Variants in IRAK3 observed in about 807,000 individuals in gnomAD.
IRAK3 encodes interleukin 1 receptor associated kinase 3, also known as interleukin-1 receptor-associated kinase 3.
A neutral mutation model predicts 56.6 loss-of-function variants in IRAK3; 57 were observed. The observed-to-expected ratio is 1.01, with a 90% CI of 0.81 to 1.26. The LOEUF is 1.26. Ranked by LOEUF, IRAK3 falls within the 50% of genes most tolerant of loss-of-function variation. The pLI is 0.00. For synonymous variants in IRAK3, 258 were observed against 255.7 expected (o/e 1.01, Z -0.09); for missense variants, 703 against 719.0 (o/e 0.98, Z 0.25).
intron 1 of IRAK3, among the ~76,000 whole-genome samples, chr12:66,194,826 T>TC (rs1417913882): frequency 1.8e-5 from 1 of 55,066 alleles, no homozygotes; most frequent in Non-Finnish European, 3.2e-5. Context: ...GAGACTCCTC[T>TC]CAAAAAAAAA....
intron 11 of IRAK3, among the ~76,000 whole-genome samples, chr12:66,246,926 AT>A (rs2053038815): frequency 6.6e-6 from 1 of 152,110 alleles, no homozygotes; most frequent in Admixed American, 6.6e-5. Flanking sequence ...TTGAATGACA[AT>A]CTCTATGTTG....
chr12:66,203,687 T>C (rs756346619), intron 1 of IRAK3, 24 bp from the exon 2 acceptor site: 2 of 1,609,284 alleles, frequency 1.2e-6, no homozygotes, highest in Non-Finnish European at 1.7e-6. Context: ...AAACAATTCT[T>C]TGTTTATATT....
chr12:66,201,408 C>G (rs1278176435), intron 1 of IRAK3, among the ~76,000 whole-genome samples: 3 of 152,142 alleles, frequency 2.0e-5, no homozygotes, highest in Non-Finnish European at 4.4e-5. Flanking sequence ...GACTTGCATC[C>G]AGGATCCTAA....
At chr12:66,206,638 T>C (rs1390320429) in intron 2 of IRAK3, among the ~76,000 whole-genome samples, 1 of 152,230 alleles carries the variant, frequency 6.6e-6, no homozygotes, top group Non-Finnish European at 1.5e-5. Context: ...TTGTTGAGGA[T>C]TTTTGCATCT....
intron 8 of IRAK3, among the ~76,000 whole-genome samples, chr12:66,241,015 A>T (rs1207865195): frequency 6.6e-6 from 1 of 152,054 alleles, no homozygotes; most frequent in African/African-American, 2.4e-5. Flanking sequence ...TAATTAGGAG[A>T]TAAACTGGTG....
chr12:66,192,047 C>T (rs1301659201), intron 1 of IRAK3, among the ~76,000 whole-genome samples: 3 of 152,140 alleles, frequency 2.0e-5, no homozygotes, highest in Non-Finnish European at 4.4e-5. Flanking sequence ...AGATGCAGGT[C>T]CCACTCCTAG....
At chr12:66,194,370 A>C (rs775933839) in intron 1 of IRAK3, among the ~76,000 whole-genome samples, 4 of 152,040 alleles carry the variant, frequency 2.6e-5, no homozygotes, top group Non-Finnish European at 5.9e-5. Context: ...TTTTTCCTTG[A>C]ACCCCTCCAG....
At chr12:66,245,529 CT>C (rs745553622) in intron 11 of IRAK3, among the ~76,000 whole-genome samples, 1,723 of 75,382 alleles carry the variant, frequency 0.023, 8 homozygotes, top group African/African-American at 0.083. Flanking sequence ...TTTATTCAAT[CT>C]TTTTTTTTTT....
intron 7 of IRAK3, among the ~76,000 whole-genome samples, chr12:66,227,985 G>A (rs771429941): frequency 3.3e-5 from 5 of 152,108 alleles, no homozygotes; most frequent in Non-Finnish European, 5.9e-5. Flanking sequence ...TTTAAGCAGT[G>A]TTACCTTACT....
chr12:66,245,189 T>C lies in IRAK3; in HGVS notation c.1241T>C (p.Phe414Ser). Reference sequence around the variant, plus strand: ...AAAGTGCCTCCCTGCCCTCGGAATTTCTCTGCCAAGCTCTTCTGTTTGGCA... The same window carrying C: ...AAAGTGCCTCCCTGCCCTCGGAATTCCTCTGCCAAGCTCTTCTGTTTGGCA... ...DKKVPPCPRN[F>S]SAKLFCLAGR... Residue 414 changes from phenylalanine (F) to serine (S), a missense_variant, in exon 11 of 12, where the codon TTC (phenylalanine) becomes TCC (serine). Coordinates refer to ENST00000261233, the MANE Select transcript of IRAK3 (RefSeq NM_007199.3). 6.2e-7 allele frequency: 1 copy of C among 1,614,170 alleles called. No homozygotes were observed. Among genetic ancestry groups the C allele is most frequent in the Non-Finnish European group, 8.5e-7 (1 of 1,180,026 alleles).
chr12:66,193,540 C>T (rs1244784917), intron 1 of IRAK3, among the ~76,000 whole-genome samples: 1 of 152,162 alleles, frequency 6.6e-6, no homozygotes, highest in Non-Finnish European at 1.5e-5. Flanking sequence ...TTTCTCTGTT[C>T]CAGGATCCCA....
At chr12:66,214,383 A>AAAAAAAAAATT (rs2052644710) in intron 5 of IRAK3, among the ~76,000 whole-genome samples, 2 of 149,328 alleles carry the variant, frequency 1.3e-5, no homozygotes, top group Non-Finnish European at 1.5e-5. Flanking sequence ...AAAAAAAATT[A>AAAAAAAAAATT]AAAAAAAAAT....
At chr12:66,234,345 G>A in intron 8 of IRAK3, 2 of 1,612,596 alleles carry the variant, frequency 1.2e-6, no homozygotes, top group South Asian at 1.1e-5. Flanking sequence ...ACGGCACCGG[G>A]GTGCTGTAGA....
chr12:66,210,422 A>G (rs762054467), intron 4 of IRAK3, among the ~76,000 whole-genome samples: 11 of 130,626 alleles, frequency 8.4e-5, no homozygotes, highest in South Asian at 5.4e-4. Flanking sequence ...GAAGAATGCA[A>G]TTGTGGTCTC....
chr12:66,211,665 G>T, intron 5 of IRAK3, 68 bp downstream of exon 5: 1 of 1,340,126 alleles, frequency 7.5e-7, no homozygotes, highest in Non-Finnish European at 1.1e-6. Context: ...ATTAAAATAT[G>T]TCATTTTTCA....
chr12:66,201,732 T>G (rs2052509794), intron 1 of IRAK3, among the ~76,000 whole-genome samples: 1 of 152,240 alleles, frequency 6.6e-6, no homozygotes, highest in African/African-American at 2.4e-5. Context: ...TTGAATTATT[T>G]AAAGCCTAGT....
intron 8 of IRAK3, chr12:66,235,041 A>G (rs914469505): frequency 9.3e-6 from 15 of 1,613,064 alleles, no homozygotes; most frequent in Non-Finnish European, 1.2e-5. Context: ...ATTTTCCCAT[A>G]TGGTTGACAG....
At position 66,250,939 on chromosome 12, in the gene IRAK3, G is replaced by T. The variant is rs551417161; in HGVS notation, c.*2768G>T. The T allele has an allele frequency of 6.6e-6, 1 of 152,240 alleles. No individual in the cohort carries two copies. The highest frequency in any genetic ancestry group is 2.4e-5 in the African/African-American group (1 of 41,468). The allele number at this position is 152,240 out of a possible 1,614,324, so 9.4% of individuals were successfully genotyped here. A position where few individuals can be genotyped will look rare whatever the true frequency, so the allele number is the denominator to read the frequency against. ...GATGTGAAGCCCGCTCTTCACATCC[G>T]TGAAAATCGCTGCCTTAAGGTGCTC... On this transcript the variant is annotated 3_prime_UTR_variant, in exon 12 of 12. Coordinates refer to ENST00000261233, the MANE Select transcript of IRAK3 (RefSeq NM_007199.3).
chr12:66,219,920 T>C (rs1025715176), intron 6 of IRAK3, among the ~76,000 whole-genome samples: 5 of 152,372 alleles, frequency 3.3e-5, no homozygotes, highest in Middle Eastern at 3.4e-3. Flanking sequence ...TATTGAATTG[T>C]ATGAGTTCCT....
Sources: gnomAD v4.1 joint callset for allele counts (sites outside exome capture counted in the v4.1 genomes callset) on GRCh38, gnomAD v4.1.1 for gene constraint, MANE v1.5 for transcripts, NCBI Gene and HGNC (gene_info 2026-07-23, HGNC 2026-07-21) for gene names.